Variants in WWOX observed in about 807,000 individuals in gnomAD.
WWOX encodes the protein WW domain-containing oxidoreductase.
A neutral mutation model predicts 46.2 loss-of-function variants in WWOX; 69 were observed. That is an observed-to-expected ratio of 1.49 (90% CI 1.23 to 1.82). WWOX has a LOEUF of 1.82. WWOX is among the 40% of genes most tolerant of loss of function. The pLI is 0.00. For synonymous variants in WWOX, 359 were observed against 202.6 expected, an observed-to-expected ratio of 1.77 and a Z score of -6.56; for missense variants, 919 against 542.6, an observed-to-expected ratio of 1.69 and a Z score of -6.89.
chr16:79,001,950 G>C (rs1479952498), intron 8 of WWOX, among the ~76,000 whole-genome samples: 1 of 152,134 alleles, frequency 6.6e-6, no homozygotes, highest in Non-Finnish European at 1.5e-5. Flanking sequence ...AAAAAAAGAT[G>C]TAAGCTTTTA....
chr16:78,106,493 C>T (rs1186001690), intron 1 of WWOX, among the ~76,000 whole-genome samples: 7 of 148,978 alleles, frequency 4.7e-5, no homozygotes, highest in Admixed American at 1.3e-4. Flanking sequence ...CTCAGCTCAC[C>T]GCAGCCTCTG....
chr16:78,804,417 TAAAA>T (rs879444786), intron 8 of WWOX, among the ~76,000 whole-genome samples: 7 of 134,852 alleles, frequency 5.2e-5, no homozygotes, highest in African/African-American at 8.2e-5. Context: ...TCAGCCAAAT[TAAAA>T]AAAAAAAAAA....
At chr16:78,736,693 G>C (rs943166884) in intron 8 of WWOX, among the ~76,000 whole-genome samples, 1 of 152,066 alleles carries the variant, frequency 6.6e-6, no homozygotes, top group African/African-American at 2.4e-5. Flanking sequence ...AAACTTCTAG[G>C]CTGAAGTGAT....
At chr16:78,584,455 C>G (rs1445801646) in intron 8 of WWOX, among the ~76,000 whole-genome samples, 2 of 152,266 alleles carry the variant, frequency 1.3e-5, no homozygotes, top group South Asian at 4.1e-4. Context: ...AAAACTGAAA[C>G]AGTAATTCCC....
At chr16:78,965,776 T>C (rs1487681363) in intron 8 of WWOX, among the ~76,000 whole-genome samples, 1 of 152,212 alleles carries the variant, frequency 6.6e-6, no homozygotes, top group Non-Finnish European at 1.5e-5. Flanking sequence ...CTTTTCTCTG[T>C]CCTTCACTCA....
intron 8 of WWOX, among the ~76,000 whole-genome samples, chr16:79,158,136 G>C (rs574680352): frequency 1.3e-5 from 2 of 152,182 alleles, no homozygotes; most frequent in Non-Finnish European, 2.9e-5. Flanking sequence ...CCACAAGAGA[G>C]AAGTAGACAG....
intron 8 of WWOX, among the ~76,000 whole-genome samples, chr16:78,754,744 C>G (rs1243791380): frequency 1.3e-5 from 2 of 152,112 alleles, no homozygotes; most frequent in Non-Finnish European, 2.9e-5. Context: ...AAGATTTCTT[C>G]TCCATCACCA....
chr16:78,371,631 G>T (rs1309830340), intron 5 of WWOX, among the ~76,000 whole-genome samples: 1 of 151,996 alleles, frequency 6.6e-6, no homozygotes, highest in Non-Finnish European at 1.5e-5. Context: ...GTTCATGATT[G>T]TTATATATTC....
Position 78,340,024 on chromosome 16 carries a change from G to T in WWOX, c.517-46836G>T, listed in dbSNP as rs1217013781. 2.1e-4 allele frequency among the ~76,000 whole-genome samples: 10 copies of T among 46,604 alleles called. 2 individuals are homozygous for T. The highest frequency in any genetic ancestry group is 5.3e-4 in the African/African-American group (8 of 15,138). The allele number at this position is 46,604 out of a possible 152,430, so 30.6% of individuals were successfully genotyped here. ...GTCTTTCCATGGATTTGGTGGGGGG[G>T]GGGGGGACGTTTCTATTTCCTTTAT... On this transcript the variant is annotated intron_variant, in intron 5 of 8. Transcript: ENST00000566780.
chr16:78,829,737 T>C (rs939572474), intron 8 of WWOX, among the ~76,000 whole-genome samples: 1 of 152,162 alleles, frequency 6.6e-6, no homozygotes, highest in African/African-American at 2.4e-5. Flanking sequence ...CTAAGGAAAC[T>C]GAGACCCAGA....
chr16:78,172,619 C>T (rs1453777860), intron 5 of WWOX, among the ~76,000 whole-genome samples: 17 of 149,708 alleles, frequency 1.1e-4, no homozygotes, highest in African/African-American at 3.5e-4. Flanking sequence ...GGCCACCGCT[C>T]GCAGTCTTGA....
chr16:78,905,482 A>C (rs2044938405), intron 8 of WWOX, among the ~76,000 whole-genome samples: 3 of 152,176 alleles, frequency 2.0e-5, no homozygotes, highest in African/African-American at 7.2e-5. Context: ...CCTGGGTGCA[A>C]GTAATCCTCC....
rs186971352 is a variant in WWOX, at chr16:79,035,048, C to G, written c.1057-176560C>G. On this transcript the variant is annotated intron_variant, in intron 8 of 8. Transcript: ENST00000566780. ...TCTTTTAACTTGTCAACATTTCCTA[C>G]ATTCAACATTGTACTCTAATATCCA... Among the ~76,000 whole-genome samples, 19 of 152,318 alleles carry G rather than the reference C, an allele frequency of 1.2e-4. No homozygotes were observed. The East Asian group carries it at 3.7e-3, about 29-fold the overall frequency.
chr16:78,244,195 C>T (rs2037746168), intron 5 of WWOX, among the ~76,000 whole-genome samples: 1 of 152,154 alleles, frequency 6.6e-6, no homozygotes, highest in Admixed American at 6.5e-5. Flanking sequence ...TGATAATAGT[C>T]TCTTCCCGAT....
rs185213510 is a variant in WWOX, at chr16:79,067,052, C to T, written c.1057-144556C>T. Among the ~76,000 whole-genome samples the T allele has an allele frequency of 2.9e-3, 445 of 152,196 alleles. 9 individuals carry two copies. The highest frequency in any genetic ancestry group is 0.024 in the Admixed American group (362 of 15,294). On this transcript the variant is annotated intron_variant, in intron 8 of 8. Transcript: ENST00000566780. ...GGACGGCTCTGGAAGGGAGCATCCG[C>T]GAAATGAATAAGAAGGTGGTTATTA...
At chr16:78,491,671 G>T (rs1377320016) in intron 8 of WWOX, among the ~76,000 whole-genome samples, 1 of 152,118 alleles carries the variant, frequency 6.6e-6, no homozygotes, top group Non-Finnish European at 1.5e-5. Flanking sequence ...GGTGCATTGT[G>T]TACCTGTGGG....
chr16:78,558,099 C>T (rs188168510), intron 8 of WWOX, among the ~76,000 whole-genome samples: 2 of 152,062 alleles, frequency 1.3e-5, no homozygotes, highest in African/African-American at 2.4e-5. Context: ...TCTGAAGGCC[C>T]CGGCTCATTC....
At chr16:78,584,938 A>C (rs2045157710) in intron 8 of WWOX, among the ~76,000 whole-genome samples, 1 of 152,234 alleles carries the variant, frequency 6.6e-6, no homozygotes. Flanking sequence ...CGGTCAAAGC[A>C]CACAGTGGGT....
At chr16:78,644,869 T>C (rs1283182758) in intron 8 of WWOX, among the ~76,000 whole-genome samples, 1 of 152,184 alleles carries the variant, frequency 6.6e-6, no homozygotes, top group Non-Finnish European at 1.5e-5. Flanking sequence ...AGAGGATAGA[T>C]GTAGAAAATC....
Sources: gnomAD v4.1 joint callset for allele counts (sites outside exome capture counted in the v4.1 genomes callset) on GRCh38, gnomAD v4.1.1 for gene constraint, MANE v1.5 for transcripts, NCBI Gene and HGNC (gene_info 2026-07-23, HGNC 2026-07-21) for gene names.